Variants in CNTNAP4 observed in about 807,000 individuals in gnomAD.
The protein encoded by CNTNAP4 is contactin associated protein family member 4, also known as contactin-associated protein-like 4.
In CNTNAP4, 98 loss-of-function variants were observed where a neutral mutation model predicts 148.4. The ratio of observed to expected loss-of-function variants is 0.66; its 90% confidence interval spans 0.56 to 0.78. The LOEUF is 0.78. Among genes scored for constraint, CNTNAP4 ranks in the 30% least tolerant of loss-of-function variants. The pLI, the probability that CNTNAP4 is intolerant of heterozygous loss-of-function variation, is 0.00. For synonymous variants in CNTNAP4, 730 were observed against 565.1 expected (o/e 1.29, Z -4.14); for missense variants, 1,935 against 1,565.6 (o/e 1.24, Z -3.98).
intron 3 of CNTNAP4, among the ~76,000 whole-genome samples, chr16:76,418,890 A>G (rs1715007479): frequency 6.6e-6 from 1 of 152,142 alleles, no homozygotes; most frequent in East Asian, 1.9e-4. Flanking sequence ...TGCTATAGGT[A>G]CTATAGGTAC....
At chr16:76,284,220 T>G (rs907888439) in intron 1 of CNTNAP4, among the ~76,000 whole-genome samples, 1 of 151,970 alleles carries the variant, frequency 6.6e-6, no homozygotes, top group Admixed American at 6.6e-5. Context: ...TATTGTTGCA[T>G]GATGTTCCTA....
intron 18 of CNTNAP4, 39 bp downstream of exon 18, chr16:76,535,823 T>A (rs766304751): frequency 9.5e-6 from 15 of 1,576,468 alleles, no homozygotes; most frequent in Non-Finnish European, 1.3e-5. Flanking sequence ...GAAAATTTAT[T>A]CAATGTGGAT....
At chr16:76,503,170 G>T (rs544565269) in intron 15 of CNTNAP4, among the ~76,000 whole-genome samples, 1 of 152,146 alleles carries the variant, frequency 6.6e-6, no homozygotes, top group Non-Finnish European at 1.5e-5. Flanking sequence ...AATAGTCAAG[G>T]ATATAACTGC....
At chr16:76,513,721 A>G (rs1163936704) in intron 15 of CNTNAP4, among the ~76,000 whole-genome samples, 1 of 152,196 alleles carries the variant, frequency 6.6e-6, no homozygotes, top group Non-Finnish European at 1.5e-5. Context: ...TAAGTGTGCA[A>G]ATGCAGGAAG....
intron 1 of CNTNAP4, among the ~76,000 whole-genome samples, chr16:76,303,879 G>A (rs1405471275): frequency 6.6e-6 from 1 of 151,788 alleles, no homozygotes; most frequent in East Asian, 1.9e-4. Flanking sequence ...TTTTAAGAGG[G>A]AAGGATAGCC....
At chr16:76,316,582 C>G (rs1431470205) in intron 2 of CNTNAP4, 59 bp downstream of exon 2, 2 of 1,079,862 alleles carry the variant, frequency 1.9e-6, no homozygotes, top group African/African-American at 3.1e-5. Context: ...TTTTCATTAT[C>G]TTTGCATACA....
chr16:76,532,291 G>T (rs1795999641), intron 17 of CNTNAP4, among the ~76,000 whole-genome samples: 2 of 152,228 alleles, frequency 1.3e-5, no homozygotes, highest in Admixed American at 1.3e-4. Flanking sequence ...AAGGCTATCT[G>T]TGGGTCTGAA....
At chr16:76,344,959 T>C (rs1008798827) in intron 2 of CNTNAP4, among the ~76,000 whole-genome samples, 1 of 152,208 alleles carries the variant, frequency 6.6e-6, no homozygotes, top group Non-Finnish European at 1.5e-5. Flanking sequence ...TACCACAAGA[T>C]TGTTGGTTGG....
intron 2 of CNTNAP4, among the ~76,000 whole-genome samples, chr16:76,347,050 G>A (rs928949403): frequency 1.3e-5 from 2 of 151,910 alleles, no homozygotes; most frequent in Admixed American, 6.6e-5. Context: ...CTTTTTCATC[G>A]TATCAAAAAT....
chr16:76,376,995 G>A (rs1375817687), intron 3 of CNTNAP4, among the ~76,000 whole-genome samples: 2 of 151,048 alleles, frequency 1.3e-5, no homozygotes, highest in South Asian at 4.2e-4. Context: ...AGAGATGGGA[G>A]ATTTATTTTA....
intron 1 of CNTNAP4, among the ~76,000 whole-genome samples, chr16:76,292,503 C>A (rs1371600292): frequency 6.6e-6 from 1 of 152,092 alleles, no homozygotes; most frequent in African/African-American, 2.4e-5. Context: ...ACATGTGTTC[C>A]TCTCTGGAGC....
chr16:76,298,408 A>G (rs1319806260), intron 1 of CNTNAP4, among the ~76,000 whole-genome samples: 1 of 152,044 alleles, frequency 6.6e-6, no homozygotes. Context: ...GTTTAGAATT[A>G]ACAGTCTAGC....
At chr16:76,505,248 A>G (rs1335277532) in intron 15 of CNTNAP4, among the ~76,000 whole-genome samples, 1 of 41,238 alleles carries the variant, frequency 2.4e-5, no homozygotes, top group African/African-American at 3.6e-5. Flanking sequence ...TACACGTTCC[A>G]TTTTACTGTG....
intron 3 of CNTNAP4, among the ~76,000 whole-genome samples, chr16:76,414,515 A>G (rs1246082474): frequency 7.9e-5 from 12 of 151,122 alleles, no homozygotes; most frequent in Non-Finnish European, 1.5e-5. Context: ...TCAGATTTTA[A>G]TATCAGGGTT....
chr16:76,480,997 A>G (rs2081806412), intron 12 of CNTNAP4, among the ~76,000 whole-genome samples: 2 of 152,228 alleles, frequency 1.3e-5, no homozygotes, highest in South Asian at 4.1e-4. Context: ...TATAGGCATT[A>G]TACTGATTGG....
Position 76,553,866 on chromosome 16 carries a change from C to G in CNTNAP4, c.3692C>G (p.Pro1231Arg), listed in dbSNP as rs1205745604. Reference sequence around the variant, plus strand: ...TCTGGAACAATAGATGACAGAGAGCCCCTTGCTAATGCAATCAAAAGTGAC... The same window carrying G: ...TCTGGAACAATAGATGACAGAGAGCGCCTTGCTAATGCAATCAAAAGTGAC... The part of the protein sequence containing the change: ...DHSGTIDDRE[P>R]LANAIKSDSA... The change falls in exon 23 of 24, where the codon CCC becomes CGC. Residue 1231 changes from proline to arginine, a missense_variant. Pro to Arg is a moderately radical substitution (Grantham distance 103). Coordinates refer to ENST00000611870, the MANE Select transcript of CNTNAP4 (RefSeq NM_033401.5). 8 of 1,612,154 alleles carry G rather than the reference C, an allele frequency of 5.0e-6. No individual in the cohort carries two copies. The highest frequency in any genetic ancestry group is 1.3e-5 in the African/African-American group (1 of 74,862).
intron 3 of CNTNAP4, among the ~76,000 whole-genome samples, chr16:76,385,918 T>A (rs1001308216): frequency 6.6e-6 from 1 of 151,920 alleles, no homozygotes; most frequent in Non-Finnish European, 1.5e-5. Flanking sequence ...AGCTCTACGT[T>A]TGGGGCCCAT....
chr16:76,327,159 A>G (rs1429010756), intron 2 of CNTNAP4, among the ~76,000 whole-genome samples: 1 of 152,162 alleles, frequency 6.6e-6, no homozygotes, highest in African/African-American at 2.4e-5. Flanking sequence ...TCACCCAGGT[A>G]GTGAGCATAG....
At chr16:76,444,666 G>A (rs1276285011) in intron 4 of CNTNAP4, among the ~76,000 whole-genome samples, 17 of 151,994 alleles carry the variant, frequency 1.1e-4, no homozygotes, top group Admixed American at 1.1e-3. Context: ...TATCAAATGG[G>A]TGCAAATAAC....
Sources: gnomAD v4.1 joint callset for allele counts (sites outside exome capture counted in the v4.1 genomes callset) on GRCh38, gnomAD v4.1.1 for gene constraint, MANE v1.5 for transcripts, NCBI Gene and HGNC (gene_info 2026-07-23, HGNC 2026-07-21) for gene names.